Variants in CENATAC observed in about 807,000 individuals in gnomAD.
CENATAC encodes the protein centrosomal AT-AC splicing factor.
In CENATAC, 53 loss-of-function variants were observed where a neutral mutation model predicts 53.7. The ratio of observed to expected loss-of-function variants is 0.99; its 90% confidence interval spans 0.79 to 1.24. The LOEUF is 1.24. CENATAC is among the 50% of genes most tolerant of loss of function. The pLI, the probability that CENATAC is intolerant of heterozygous loss-of-function variation, is 0.00. For synonymous variants in CENATAC, 156 were observed against 144.6 expected, an observed-to-expected ratio of 1.08 and a Z score of -0.57; for missense variants, 474 against 417.8, an observed-to-expected ratio of 1.13 and a Z score of -1.17.
In CENATAC at chr11:119,003,129, A is replaced by C. The variant is rs924441076; in HGVS notation, c.383+4020A>C. On this transcript the variant is annotated intron_variant, in intron 3 of 10. Transcript: ENST00000334418. ...TGTTGACCTTGGCCACATCAGTGTC[A>C]TAGAGCTTCTCTGGTGCTGTGGCTT... The C allele has an allele frequency of 3.1e-5, 12 of 382,062 alleles. No individual in the cohort carries two copies. In the African/African-American group the frequency reaches 1.1e-3, roughly 35 times the overall value. 23.7% of individuals were successfully genotyped at this position (382,062 alleles called of 1,614,324 possible).
rs782282751 is a variant in CENATAC, at chr11:119,015,085, T to C, written c.805+2T>C. 12 of 1,594,906 alleles carry C rather than the reference T, an allele frequency of 7.5e-6. No individual in the cohort carries two copies. The Admixed American group carries it at 2.1e-4, about 27-fold the overall frequency. ...CCTATGAAGAATTTCTTAAAGAAAG[T>C]AAGTAAACTAATTCAAGAGAGGATC... On this transcript the variant is annotated splice_donor_variant, in intron 9 of 10. Transcript: ENST00000334418. LOFTEE classifies it high-confidence loss of function.
intron 8 of CENATAC, chr11:119,013,932 T>C (rs539790225): frequency 5.3e-5 from 8 of 152,098 alleles, no homozygotes; most frequent in Non-Finnish European, 1.2e-4. Flanking sequence ...AAAACCACAG[T>C]GAAATACCAC....
At chr11:119,013,141 T>TAA in intron 7 of CENATAC, 91 bp from the exon 8 acceptor site, 1 of 971,614 alleles carries the variant, frequency 1.0e-6, no homozygotes, top group Non-Finnish European at 1.6e-6. Context: ...CCACCTCTTT[T>TAA]AAAGTGTGCT....
In CENATAC at chr11:119,006,075, A is replaced by ATTTTTTTTTT. The variant is rs564551696; in HGVS notation, c.384-4668_384-4659dup. On this transcript the variant is annotated intron_variant, in intron 3 of 10. Transcript: ENST00000334418. ...TGCCTTGGCCTTCAGAGTAGGCAGGATTTTTTTTTTTTTTTTTTTTTTTTT... is the reference window on the plus strand; with the variant it reads ...TGCCTTGGCCTTCAGAGTAGGCAGGATTTTTTTTTTTTTTTTTTTTTTTTTTTTTTTTTTT... 6.8e-5 allele frequency: 4 copies of ATTTTTTTTTT among 58,510 alleles called. 1 individual carries two copies. Among genetic ancestry groups the ATTTTTTTTTT allele is most frequent in the East Asian group, 5.2e-4 (1 of 1,916 alleles). The allele number at this position is 58,510 out of a possible 1,614,324, so 3.6% of individuals were successfully genotyped here. A position where few individuals can be genotyped will look rare whatever the true frequency, so the allele number is the denominator to read the frequency against.
chr11:119,011,563 G>C (rs1942873364), intron 5 of CENATAC, among the ~76,000 whole-genome samples: 1 of 152,128 alleles, frequency 6.6e-6, no homozygotes, highest in African/African-American at 2.4e-5. Flanking sequence ...ATTTTTAATA[G>C]AGGTGGTGTT....
At chr11:119,007,921 A>C (rs1440846478) in intron 3 of CENATAC, among the ~76,000 whole-genome samples, 1 of 152,244 alleles carries the variant, frequency 6.6e-6, no homozygotes, top group Non-Finnish European at 1.5e-5. Context: ...GACAGTGAAA[A>C]GAAAAGGAAG....
intron 7 of CENATAC, 183 bp downstream of exon 7, chr11:119,012,437 T>C: frequency 1.6e-6 from 1 of 613,356 alleles, no homozygotes; most frequent in East Asian, 3.0e-5. Flanking sequence ...CCTATTCACA[T>C]GTATTGACAC....
At chr11:118,999,585 A>G (rs1185984322) in intron 3 of CENATAC, among the ~76,000 whole-genome samples, 2 of 152,066 alleles carry the variant, frequency 1.3e-5, no homozygotes, top group Non-Finnish European at 2.9e-5. Flanking sequence ...CAGCCTCCCA[A>G]GTAGCTGGGA....
intron 3 of CENATAC, chr11:119,003,313 C>T: frequency 7.5e-6 from 4 of 531,358 alleles, no homozygotes; most frequent in South Asian, 5.6e-5. Context: ...TCTTGGGCCG[C>T]CAGAAGGCTA....
chr11:118,999,515 A>G (rs144245262), intron 3 of CENATAC, among the ~76,000 whole-genome samples: 1,941 of 151,998 alleles, frequency 0.013, 42 homozygotes, highest in East Asian at 0.057. Context: ...CTGGAGTGCA[A>G]TGGCACAATC....
intron 8 of CENATAC, chr11:119,014,096 C>T (rs1185221242): frequency 3.3e-5 from 5 of 152,202 alleles, no homozygotes; most frequent in African/African-American, 9.7e-5. Context: ...ATTATCCAAC[C>T]GTTCCACCCC....
intron 3 of CENATAC, chr11:119,001,680 CGTGCAGTTCAAACTT>C (rs782673897): frequency 2.2e-6 from 1 of 455,998 alleles, no homozygotes; most frequent in East Asian, 7.0e-5. Context: ...CAAGTGAACT[CGTGCAGTTCAAACTT>C]GTGCTGTGCA....
intron 3 of CENATAC, among the ~76,000 whole-genome samples, chr11:119,005,514 C>T (rs1454932493): frequency 1.3e-5 from 2 of 150,924 alleles, no homozygotes; most frequent in Non-Finnish European, 3.0e-5. Flanking sequence ...TTGTCATTTT[C>T]TTTTCCTCTG....
chr11:118,998,709 G>A, intron 2 of CENATAC, 116 bp downstream of exon 2: 1 of 1,323,990 alleles, frequency 7.6e-7, no homozygotes, highest in Non-Finnish European at 1.0e-6. Flanking sequence ...GATGGATTGA[G>A]TCACTTCACA....
chr11:119,014,745 CAA>C (rs374992419), intron 8 of CENATAC: 77 of 317,998 alleles, frequency 2.4e-4, no homozygotes, highest in African/African-American at 1.2e-3. Flanking sequence ...TGGCTTCGCT[CAA>C]AAGTCACCAA....
Position 118,998,231 on chromosome 11 carries a change from C to T in CENATAC, c.34C>T (p.Gln12Ter), listed in dbSNP as rs1942108493. 6.3e-7 allele frequency: 1 copy of T among 1,585,942 alleles called. No homozygotes were observed. The change falls in exon 1 of 11, where the codon CAG becomes TAG. Residue 12 changes from glutamine (Q) to a stop codon, truncating the protein, a stop_gained. Coordinates refer to ENST00000334418, the MANE Select transcript of CENATAC (RefSeq NM_198489.3). LOFTEE classifies it high-confidence loss of function. ...APAQRCPLCR[Q>*]TFFCGRGHVY... ...GGCGCAGCGCTGCCCTCTGTGCCGC[C>T]AGACCTTCTTCTGTGGTCGCGGGCA...
intron 3 of CENATAC, among the ~76,000 whole-genome samples, chr11:119,000,509 AT>A (rs898839017): frequency 6.8e-6 from 1 of 147,966 alleles, no homozygotes; most frequent in African/African-American, 2.5e-5. Flanking sequence ...TTAAAAAAAA[AT>A]TTTTTTTGTC....
chr11:119,007,429 A>G (rs1942657363), intron 3 of CENATAC, among the ~76,000 whole-genome samples: 1 of 151,880 alleles, frequency 6.6e-6, no homozygotes, highest in South Asian at 2.1e-4. Flanking sequence ...TGATCCGCCC[A>G]CCTCGGCCTC....
intron 3 of CENATAC, chr11:119,005,017 A>G (rs4936457): frequency 0.3 from 45,538 of 151,632 alleles, 7,610 homozygotes; most frequent in African/African-American, 0.44. Flanking sequence ...CTGTGATCAC[A>G]CCACTGCACT....
Sources: gnomAD v4.1 joint callset for allele counts (sites outside exome capture counted in the v4.1 genomes callset) on GRCh38, gnomAD v4.1.1 for gene constraint, MANE v1.5 for transcripts, NCBI Gene and HGNC (gene_info 2026-07-23, HGNC 2026-07-21) for gene names.